CHL1: variants seen among roughly 807,000 people sequenced by gnomAD.
CHL1 encodes the protein neural cell adhesion molecule L1-like protein.
Under a neutral mutation model 141.9 loss-of-function variants are expected in CHL1, and 96 were observed. The ratio of observed to expected loss-of-function variants is 0.68; its 90% CI spans 0.57 to 0.80. The LOEUF is 0.80. CHL1 is among the 30% of genes least tolerant of loss of function. The probability of loss-of-function intolerance (pLI) is 0.00; values close to 1 mark genes in which losing one functional copy is unlikely to be tolerated. For missense variants in CHL1, 1,820 were observed against 1,457.2 expected (o/e 1.25, Z -4.05); for synonymous variants, 613 against 502.2 (o/e 1.22, Z -2.95).
chr3:262,963 T>C (rs1028062519), intron 2 of CHL1, among the ~76,000 whole-genome samples: 4 of 152,360 alleles, frequency 2.6e-5, no homozygotes, highest in South Asian at 4.1e-4. Context: ...TAATCCTTAA[T>C]GACAGCTTCC....
chr3:250,876 TTTG>T (rs1272925690), intron 2 of CHL1, among the ~76,000 whole-genome samples: 22 of 152,296 alleles, frequency 1.4e-4, no homozygotes, highest in African/African-American at 5.1e-4. Flanking sequence ...GCCCTATTAG[TTTG>T]TAGGAATTAA....
rs5845955 is a variant in CHL1 at position 239,595 on chromosome 3, A to ATATATATATATATATATATATATATATAT, written c.-174-5018_-174-5017insTATATATATATATATATATATATATATAT. Among the ~76,000 whole-genome samples, 76 of 146,278 alleles carry ATATATATATATATATATATATATATATAT rather than the reference A, an allele frequency of 5.2e-4. 1 individual carries two copies. The highest frequency in any genetic ancestry group is 4.0e-4 in the African/African-American group (16 of 39,948). On this transcript the variant is annotated intron_variant, in intron 1 of 27. Coordinates refer to ENST00000256509, the MANE Select transcript of CHL1 (RefSeq NM_006614.4). Reference sequence around the variant, plus strand: ...TAATTCATCTAAACAGTATATATATAAAATATATATATTTTAAAATTATTT... The same window carrying ATATATATATATATATATATATATATATAT: ...TAATTCATCTAAACAGTATATATATATATATATATATATATATATATATATATATAAATATATATATTTTAAAATTATTT...
chr3:198,203 T>TACACTTAATCAC, intron 1 of CHL1: 1 of 168,108 alleles, frequency 5.9e-6, no homozygotes, highest in Non-Finnish European at 1.3e-5. Context: ...AGGGCAGGTG[T>TACACTTAATCAC]GCGTCGGCAG....
intron 18 of CHL1, among the ~76,000 whole-genome samples, chr3:383,012 C>G (rs1707250414): frequency 6.6e-6 from 1 of 152,110 alleles, no homozygotes. Flanking sequence ...AATTTTTATG[C>G]ATTCAGTGTC....
intron 24 of CHL1, among the ~76,000 whole-genome samples, chr3:396,774 A>C (rs939678642): frequency 6.6e-6 from 1 of 152,112 alleles, no homozygotes; most frequent in Admixed American, 6.6e-5. Context: ...ACTGATTTCT[A>C]TTCTATAGGC....
intron 9 of CHL1, among the ~76,000 whole-genome samples, chr3:348,491 C>A (rs1200929739): frequency 2.0e-5 from 3 of 152,132 alleles, no homozygotes; most frequent in Non-Finnish European, 4.4e-5. Flanking sequence ...ATTTTTAAAT[C>A]AAATGAGTCA....
intron 5 of CHL1, among the ~76,000 whole-genome samples, chr3:339,989 C>A (rs1702236105): frequency 6.6e-6 from 1 of 152,114 alleles, no homozygotes; most frequent in Non-Finnish European, 1.5e-5. Context: ...TGAAAGATAT[C>A]AATGTAATGC....
intron 1 of CHL1, among the ~76,000 whole-genome samples, chr3:237,364 A>C (rs1692096346): frequency 6.6e-6 from 1 of 152,228 alleles, no homozygotes; most frequent in African/African-American, 2.4e-5. Flanking sequence ...CAAGCCATGC[A>C]GAACTGTGAG....
At position 341,946 on chromosome 3, in the gene CHL1, C is replaced by T. The variant is rs774514349; in HGVS notation, c.543C>T (p.Tyr181=). 6.2e-7 allele frequency: 1 copy of T among 1,612,542 alleles called. No individual in the cohort carries two copies. The highest frequency in any genetic ancestry group is 1.3e-5 in the African/African-American group (1 of 74,992). Residue 181 remains tyrosine (Y), a synonymous_variant, in exon 7 of 28, where the codon TAC becomes TAT. Coordinates refer to ENST00000256509, the MANE Select transcript of CHL1 (RefSeq NM_006614.4). The part of the protein sequence containing the change: ...LEHIEQDERV[Y]MSQKGDLYFA... ...ACATCGAACAAGATGAAAGAGTATA[C>T]ATGAGCCAAAAGGGAGATCTATACT...
chr3:379,234 C>T (rs1423234729), intron 16 of CHL1, among the ~76,000 whole-genome samples: 2 of 152,034 alleles, frequency 1.3e-5, no homozygotes, highest in Non-Finnish European at 2.9e-5. Context: ...TCAAGTAAAG[C>T]AAATGGCCAA....
intron 2 of CHL1, among the ~76,000 whole-genome samples, chr3:316,440 A>G (rs576468371): frequency 6.6e-6 from 1 of 151,990 alleles, no homozygotes; most frequent in Non-Finnish European, 1.5e-5. Context: ...GCACCAAGCT[A>G]AATTTTTCTT....
intron 2 of CHL1, among the ~76,000 whole-genome samples, chr3:254,330 C>G (rs533846492): frequency 1.3e-5 from 2 of 152,190 alleles, no homozygotes. Flanking sequence ...CCCAGGGAAA[C>G]CAACCTGCTA....
At chr3:230,517 CAG>C (rs1701768133) in intron 1 of CHL1, among the ~76,000 whole-genome samples, 1 of 149,116 alleles carries the variant, frequency 6.7e-6, no homozygotes, top group African/African-American at 2.5e-5. Flanking sequence ...TTTTTTTTGA[CAG>C]AGTGATTGGG....
intron 19 of CHL1, 100 bp downstream of exon 19, chr3:383,986 AAAGAT>A (rs1340576042): frequency 1.4e-6 from 1 of 733,704 alleles, no homozygotes; most frequent in Non-Finnish European, 2.3e-6. Flanking sequence ...TTTTAAGAAC[AAAGAT>A]AAGATTTGGA....
intron 8 of CHL1, among the ~76,000 whole-genome samples, 176 bp from the exon 9 acceptor site, chr3:344,413 T>C (rs1559286055): frequency 6.6e-6 from 1 of 151,916 alleles, no homozygotes; most frequent in East Asian, 1.9e-4. Context: ...CCATGCTTCA[T>C]GGTAAGAGAG....
At chr3:397,209 G>GT (rs1236575565) in intron 24 of CHL1, among the ~76,000 whole-genome samples, 1 of 152,046 alleles carries the variant, frequency 6.6e-6, no homozygotes, top group East Asian at 1.9e-4. Flanking sequence ...TAATATCTCT[G>GT]TTTTTCAAGG....
chr3:399,996 C>A (rs140701892), intron 26 of CHL1, among the ~76,000 whole-genome samples: 1 of 152,120 alleles, frequency 6.6e-6, no homozygotes, highest in African/African-American at 2.4e-5. Flanking sequence ...GGTAATATGA[C>A]GTTTGCCTTT....
chr3:245,635 C>T (rs1397208175), intron 2 of CHL1, among the ~76,000 whole-genome samples: 1 of 152,034 alleles, frequency 6.6e-6, no homozygotes, highest in Non-Finnish European at 1.5e-5. Flanking sequence ...TAAGATATTA[C>T]TTGGTGCATG....
chr3:313,649 G>C (rs1699926703), intron 2 of CHL1, among the ~76,000 whole-genome samples: 1 of 152,092 alleles, frequency 6.6e-6, no homozygotes, highest in South Asian at 2.1e-4. Context: ...AAAATAATTT[G>C]TTTTAGTGTT....
Sources: gnomAD v4.1 joint callset for allele counts (sites outside exome capture counted in the v4.1 genomes callset) on GRCh38, gnomAD v4.1.1 for gene constraint, MANE v1.5 for transcripts, NCBI Gene and HGNC (gene_info 2026-07-23, HGNC 2026-07-21) for gene names.